SCAMP1: variants seen among roughly 807,000 people sequenced by gnomAD.
SCAMP1 encodes secretory carrier-associated membrane protein 1.
In SCAMP1, 15 loss-of-function variants were observed where a neutral mutation model predicts 41.8. The ratio of observed to expected loss-of-function variants is 0.36; its 90% CI spans 0.24 to 0.55. The LOEUF (loss-of-function observed/expected upper bound fraction) is 0.55. Ranked by LOEUF, SCAMP1 falls within the 20% of genes least tolerant of loss-of-function variation. SCAMP1 has a pLI of 0.86. For missense variants in SCAMP1, 341 were observed against 412.6 expected, an observed-to-expected ratio of 0.83 and a Z score of 1.50; for synonymous variants, 135 against 136.8, an observed-to-expected ratio of 0.99 and a Z score of 0.09.
At chr5:78,401,346 G>A (rs1188828146) in intron 2 of SCAMP1, among the ~76,000 whole-genome samples, 1 of 152,052 alleles carries the variant, frequency 6.6e-6, no homozygotes, top group Non-Finnish European at 1.5e-5. Flanking sequence ...AGCCTCATAG[G>A]ATGAGTTAGG....
At chr5:78,472,549 T>G (rs1026226590) in intron 8 of SCAMP1, among the ~76,000 whole-genome samples, 1 of 152,136 alleles carries the variant, frequency 6.6e-6, no homozygotes, top group African/African-American at 2.4e-5. Flanking sequence ...ATGATTAGCC[T>G]GTCATCTTTC....
intron 6 of SCAMP1, among the ~76,000 whole-genome samples, chr5:78,426,056 G>A (rs1371415441): frequency 6.6e-6 from 1 of 150,798 alleles, no homozygotes; most frequent in East Asian, 2.0e-4. Flanking sequence ...TTGGTTTTCT[G>A]TTCCTGTGTT....
rs374883581 is a variant in SCAMP1 at position 78,366,892 on chromosome 5, G to T, written c.57+6164G>T. Among the ~76,000 whole-genome samples the T allele has an allele frequency of 2.1e-4, 32 of 149,672 alleles. No individual in the cohort carries two copies. The South Asian group carries it at 6.6e-3, about 31-fold the overall frequency. Reference sequence around the variant, plus strand: ...TCTAAGCTACTTGGGAGGCTGAGGCGGGAGGGTGACAGAGTGAGACCCTGT... The same window carrying T: ...TCTAAGCTACTTGGGAGGCTGAGGCTGGAGGGTGACAGAGTGAGACCCTGT... On this transcript the variant is annotated intron_variant, in intron 1 of 8. Coordinates refer to ENST00000621999, the MANE Select transcript of SCAMP1 (RefSeq NM_004866.6).
intron 1 of SCAMP1, among the ~76,000 whole-genome samples, chr5:78,377,068 C>CT (rs1751083137): frequency 6.6e-6 from 1 of 151,858 alleles, no homozygotes; most frequent in Non-Finnish European, 1.5e-5. Context: ...TTCCCTTTTC[C>CT]TTTTTTTCCC....
chr5:78,413,770 C>T (rs377264485), intron 2 of SCAMP1, among the ~76,000 whole-genome samples: 1 of 152,130 alleles, frequency 6.6e-6, no homozygotes, highest in Non-Finnish European at 1.5e-5. Flanking sequence ...ACAGTTATAT[C>T]TTTGGTTATG....
At chr5:78,474,417 A>G (rs1187265017) in intron 8 of SCAMP1, among the ~76,000 whole-genome samples, 1 of 152,166 alleles carries the variant, frequency 6.6e-6, no homozygotes, top group African/African-American at 2.4e-5. Flanking sequence ...TTGTCAGTAG[A>G]GTTGGAATGA....
chr5:78,427,439 T>A (rs1234365887), intron 6 of SCAMP1, among the ~76,000 whole-genome samples: 1 of 152,150 alleles, frequency 6.6e-6, no homozygotes, highest in Non-Finnish European at 1.5e-5. Context: ...GATTTCAGTG[T>A]GAGGTTTGGG....
At chr5:78,447,758 G>A (rs535479957) in intron 6 of SCAMP1, among the ~76,000 whole-genome samples, 13 of 151,844 alleles carry the variant, frequency 8.6e-5, no homozygotes, top group East Asian at 1.9e-4. Context: ...ACTGGAGTTC[G>A]TAAAAAGGCA....
Position 78,459,317 on chromosome 5 carries a change from A to T in SCAMP1, c.807A>T (p.Ala269=). ...GAATCATGATGATAATCATAGCAGCACTTTTCACAGCATCAGCAGTCATCT... is the reference window on the plus strand; with the variant it reads ...GAATCATGATGATAATCATAGCAGCTCTTTTCACAGCATCAGCAGTCATCT... ...PVGIMMIIIA[A]LFTASAVISL... is the part of the protein sequence containing the mutation. The change falls in exon 8 of 9, where the codon GCA becomes GCT. Residue 269 remains alanine (A), a synonymous_variant. Coordinates refer to ENST00000621999, the MANE Select transcript of SCAMP1 (RefSeq NM_004866.6). The T allele has an allele frequency of 6.2e-7, 1 of 1,608,002 alleles. No homozygotes were observed. Among genetic ancestry groups the T allele is most frequent in the Non-Finnish European group, 8.5e-7 (1 of 1,175,014 alleles).
At chr5:78,407,827 T>C (rs1404885501) in intron 2 of SCAMP1, among the ~76,000 whole-genome samples, 7 of 152,230 alleles carry the variant, frequency 4.6e-5, no homozygotes, top group Non-Finnish European at 1.0e-4. Context: ...GTCATTATTA[T>C]AGTTTTCATT....
At chr5:78,431,932 G>A (rs958862706) in intron 6 of SCAMP1, among the ~76,000 whole-genome samples, 6 of 152,018 alleles carry the variant, frequency 3.9e-5, no homozygotes, top group African/African-American at 1.2e-4. Context: ...AAAAGGGGTA[G>A]TCATCCCCTC....
At chr5:78,445,233 T>A (rs1310987581) in intron 6 of SCAMP1, among the ~76,000 whole-genome samples, 1 of 152,238 alleles carries the variant, frequency 6.6e-6, no homozygotes, top group Non-Finnish European at 1.5e-5. Flanking sequence ...ACTTTTCTAT[T>A]AAAATTGTGC....
At position 78,475,716 on chromosome 5, in the gene SCAMP1, C is replaced by A; in HGVS notation, c.*48C>A. The A allele has an allele frequency of 1.5e-6, 2 of 1,351,814 alleles. No homozygotes were observed. Among genetic ancestry groups the A allele is most frequent in the East Asian group, 2.6e-5 (1 of 38,390 alleles). The allele number at this position is 1,351,814 out of a possible 1,614,324, so 83.7% of individuals were successfully genotyped here. A position where few individuals can be genotyped will look rare whatever the true frequency, so the allele number is the denominator to read the frequency against. ...TACCTTTTGACTGTACCTTTTTCTCCAGTTACTGTATTCTACAAATATTTT... is the reference window on the plus strand; with the variant it reads ...TACCTTTTGACTGTACCTTTTTCTCAAGTTACTGTATTCTACAAATATTTT... On this transcript the variant is annotated 3_prime_UTR_variant, in exon 9 of 9. Coordinates refer to ENST00000621999, the MANE Select transcript of SCAMP1 (RefSeq NM_004866.6).
intron 1 of SCAMP1, among the ~76,000 whole-genome samples, chr5:78,366,032 C>G (rs184728568): frequency 3.3e-5 from 5 of 152,206 alleles, no homozygotes; most frequent in Non-Finnish European, 7.3e-5. Flanking sequence ...AGTCCAAGAT[C>G]AAGGTCCCAG....
chr5:78,465,910 C>G (rs1247875176), intron 8 of SCAMP1, among the ~76,000 whole-genome samples: 1 of 152,148 alleles, frequency 6.6e-6, no homozygotes, highest in Non-Finnish European at 1.5e-5. Context: ...GGGGCATACC[C>G]AGATAATCTA....
intron 8 of SCAMP1, among the ~76,000 whole-genome samples, chr5:78,460,813 C>CT (rs1753584337): frequency 2.9e-5 from 1 of 34,552 alleles, no homozygotes; most frequent in Non-Finnish European, 6.1e-5. Context: ...TCCTCCCTTC[C>CT]TTCCTTCCTT....
At chr5:78,426,144 C>CA (rs1752465203) in intron 6 of SCAMP1, among the ~76,000 whole-genome samples, 2 of 152,168 alleles carry the variant, frequency 1.3e-5, no homozygotes, top group Admixed American at 1.3e-4. Flanking sequence ...TTTATGGCTA[C>CA]ATAGTATTCC....
chr5:78,438,662 A>G (rs368250332), intron 6 of SCAMP1, among the ~76,000 whole-genome samples: 2 of 152,228 alleles, frequency 1.3e-5, no homozygotes, highest in African/African-American at 2.4e-5. Context: ...AATATGTGCA[A>G]TGTAGTGCTG....
At chr5:78,379,193 A>G (rs530255307) in intron 1 of SCAMP1, among the ~76,000 whole-genome samples, 1 of 152,358 alleles carries the variant, frequency 6.6e-6, no homozygotes, top group South Asian at 2.1e-4. Context: ...TTAAGGCCAC[A>G]GCTTCTTTCT....
Sources: allele counts gnomAD v4.1 joint callset (sites outside exome capture counted in the v4.1 genomes callset), GRCh38; gene constraint gnomAD v4.1.1; transcripts MANE v1.5; gene names NCBI Gene and HGNC (gene_info 2026-07-23, HGNC 2026-07-21).